The following SUCO variants were observed in gnomAD, a reference collection of about 807,000 sequenced individuals.
SUCO encodes SUN domain containing ossification factor.
In SUCO, 57 loss-of-function variants were observed where a neutral mutation model predicts 148.1. That is an observed-to-expected ratio of 0.38 (90% CI 0.31 to 0.48). The LOEUF (loss-of-function observed/expected upper bound fraction) is 0.48, where lower values mean the gene tolerates loss of function less well. Ranked by LOEUF, SUCO falls within the 20% of genes least tolerant of loss-of-function variation. SUCO has a pLI of 0.96. For missense variants in SUCO, 1,331 were observed against 1,468.2 expected (o/e 0.91, Z 1.53); for synonymous variants, 470 against 502.7 (o/e 0.93, Z 0.87).
chr1:172,556,436 C>T (rs1157218720), intron 4 of SUCO, among the ~76,000 whole-genome samples: 3 of 152,140 alleles, frequency 2.0e-5, no homozygotes, highest in African/African-American at 7.2e-5. Context: ...CTTTTTCAAA[C>T]TCGATAATAA....
chr1:172,532,696 C>T (rs373970364), upstream of SUCO: 82 of 1,613,890 alleles, frequency 5.1e-5, no homozygotes, highest in Non-Finnish European at 6.0e-5. Flanking sequence ...TCTAACAAAA[C>T]CATGGATTCT....
intron 6 of SUCO, among the ~76,000 whole-genome samples, chr1:172,568,098 T>C (rs1009480513): frequency 6.6e-6 from 1 of 152,228 alleles, no homozygotes; most frequent in African/African-American, 2.4e-5. Flanking sequence ...GAGAATCTAA[T>C]GCCTTATGAT....
chr1:172,589,886 A>G lies in SUCO; in HGVS notation c.2785A>G (p.Met929Val). Residue 929 changes from methionine (M) to valine (V), a missense_variant, in exon 18 of 24, where the codon ATG (methionine) becomes GTG (valine). This residue lies in a region of SUCO where 992 missense variants were observed against 1,093.5 expected (regional missense o/e 0.91). Coordinates refer to ENST00000263688, the MANE Select transcript of SUCO (RefSeq NM_014283.5). ...TCGTATTAAAGCCTTAGAAGTTAAC[A>G]TGTCTCTCAGTGGTCGCTATCTGGA... ...NNRIKALEVN[M>V]SLSGRYLEEL... 6.5e-7 allele frequency: 1 copy of G among 1,550,306 alleles called. No homozygotes were observed. Among genetic ancestry groups the G allele is most frequent in the Middle Eastern group, 1.7e-4 (1 of 5,722 alleles).
At position 172,610,338 on chromosome 1, in the gene SUCO, G is replaced by A; in HGVS notation, c.*79G>A. ...CAGTCTGTAGTATTTGAAGGGTTTG[G>A]GGGAGGGAGAAAATATTAATGGGAA... is the stretch of plus-strand genomic sequence containing the variant. On this transcript the variant is annotated 3_prime_UTR_variant, in exon 24 of 24. Transcript: ENST00000263688. 2.0e-6 allele frequency: 3 copies of A among 1,465,236 alleles called. No individual in the cohort carries two copies. Among genetic ancestry groups the A allele is most frequent in the Non-Finnish European group, 2.7e-6 (3 of 1,108,444 alleles). 90.8% of individuals were successfully genotyped at this position (1,465,236 alleles called of 1,614,324 possible). A position where few individuals can be genotyped will look rare whatever the true frequency, so the allele number is the denominator to read the frequency against.
At chr1:172,585,475 T>G (rs1462422826) in intron 16 of SUCO, among the ~76,000 whole-genome samples, 1 of 152,156 alleles carries the variant, frequency 6.6e-6, no homozygotes, top group Non-Finnish European at 1.5e-5. Context: ...ATGATAATAT[T>G]TTTGGCAAGA....
intron 23 of SUCO, chr1:172,609,490 G>GTTA (rs1658072507): frequency 3.3e-6 from 3 of 909,250 alleles, no homozygotes; most frequent in South Asian, 5.1e-5. Context: ...ACCTTTCAGG[G>GTTA]TTAATAGCTG....
chr1:172,559,820 C>T lies in SUCO; in HGVS notation c.732+2026C>T, dbSNP rs538103581. Among the ~76,000 whole-genome samples, 44 of 152,212 alleles carry T rather than the reference C, an allele frequency of 2.9e-4. No individual in the cohort carries two copies. In the Middle Eastern group the frequency reaches 0.014, roughly 47 times the overall value. ...TGTTGCTGTGGCAGTGGTAAACAGACATAGCACATTGGTGGGCTTGGCTTA... is the reference window on the plus strand; with the variant it reads ...TGTTGCTGTGGCAGTGGTAAACAGATATAGCACATTGGTGGGCTTGGCTTA... On this transcript the variant is annotated intron_variant, in intron 6 of 23. Coordinates refer to ENST00000263688, the MANE Select transcript of SUCO (RefSeq NM_014283.5).
At chr1:172,570,447 G>A (rs1365058756) in intron 8 of SUCO, 5 of 503,662 alleles carry the variant, frequency 9.9e-6, no homozygotes, top group Non-Finnish European at 1.8e-5. Context: ...AACAGGCATT[G>A]AATTTTAAAT....
rs182326449 is a variant in SUCO at position 172,540,228 on chromosome 1, C to A, written c.62+6731C>A. ...AGGTTCTAAGCCTGTGTTCTCTTAA[C>A]CGGTATGCTGTGCTGCCAGTTGGCT... On this transcript the variant is annotated intron_variant, in intron 1 of 23. Coordinates refer to ENST00000263688, the MANE Select transcript of SUCO (RefSeq NM_014283.5). Among the ~76,000 whole-genome samples, 26 of 152,262 alleles carry A rather than the reference C, an allele frequency of 1.7e-4. No individual in the cohort carries two copies. The East Asian group carries it at 3.9e-3, about 23-fold the overall frequency.
At chr1:172,568,195 A>G (rs959765040) in intron 6 of SUCO, 5 of 598,914 alleles carry the variant, frequency 8.3e-6, no homozygotes, top group Non-Finnish European at 1.0e-5. Flanking sequence ...CTGGTTTCAG[A>G]AAAGTTGTGG....
intron 9 of SUCO, among the ~76,000 whole-genome samples, chr1:172,572,557 C>G (rs1261890089): frequency 6.6e-6 from 1 of 151,926 alleles, no homozygotes; most frequent in Non-Finnish European, 1.5e-5. Flanking sequence ...GGGACACAAA[C>G]ACTGCGGAAG....
At chr1:172,576,954 T>G (rs1156941614) in intron 11 of SUCO, 2 of 683,164 alleles carry the variant, frequency 2.9e-6, no homozygotes, top group Non-Finnish European at 3.6e-6. Context: ...TAGCATACAT[T>G]CGAAAGGCCA....
At chr1:172,564,167 T>G (rs1654388820) in intron 6 of SUCO, among the ~76,000 whole-genome samples, 1 of 152,174 alleles carries the variant, frequency 6.6e-6, no homozygotes, top group Non-Finnish European at 1.5e-5. Flanking sequence ...ATGGAGAACC[T>G]CTACAAGAGC....
rs1329665805 is a variant in SUCO, at chr1:172,551,844, C to G, written c.177+218C>G. 6.6e-6 allele frequency: 3 copies of G among 455,624 alleles called. No individual in the cohort carries two copies. The South Asian group carries it at 7.3e-5, about 11-fold the overall frequency. The allele number at this position is 455,624 out of a possible 1,614,324, so 28.2% of individuals were successfully genotyped here. ...CTTGTATTTGGAATTTTGTAACATCCTTAGTCCTGTAGTATAGGGTAGTGC... is the reference window on the plus strand; with the variant it reads ...CTTGTATTTGGAATTTTGTAACATCGTTAGTCCTGTAGTATAGGGTAGTGC... On this transcript the variant is annotated intron_variant, in intron 2 of 23. Transcript: ENST00000263688.
At chr1:172,586,642 A>G (rs1202474576) in intron 17 of SUCO, among the ~76,000 whole-genome samples, 2 of 152,144 alleles carry the variant, frequency 1.3e-5, no homozygotes, top group Non-Finnish European at 1.5e-5. Context: ...TACACTCCCT[A>G]CAAAACTTTG....
At chr1:172,532,895 C>A (rs1651693844), upstream of SUCO, 1 of 1,447,732 alleles carries the variant, frequency 6.9e-7, no homozygotes, top group Non-Finnish European at 9.2e-7. Flanking sequence ...GCGGGCGGAG[C>A]GGCGAGAGCA....
chr1:172,541,389 A>G (rs1652446061), intron 1 of SUCO, among the ~76,000 whole-genome samples: 1 of 152,224 alleles, frequency 6.6e-6, no homozygotes, highest in Non-Finnish European at 1.5e-5. Flanking sequence ...ATTTTATGTA[A>G]GAGACTGGAG....
chr1:172,609,859 A>G lies in SUCO; in HGVS notation c.3365A>G (p.Lys1122Arg). The G allele has an allele frequency of 1.2e-6, 2 of 1,610,040 alleles. No homozygotes were observed. Among genetic ancestry groups the G allele is most frequent in the Non-Finnish European group, 1.7e-6 (2 of 1,178,924 alleles). Residue 1122 changes from lysine to arginine, a missense_variant, in exon 24 of 24, where the codon AAG (lysine) becomes AGG (arginine). Transcript: ENST00000263688. ...KYKIEKIETI[K>R]PEEPLHPIAN... ...AAAATTGAAAAAATTGAGACCATAA[A>G]GCCTGAAGAACCATTGCACCCCATA...
chr1:172,575,620 C>T lies in SUCO; in HGVS notation c.1260C>T (p.Val420=), dbSNP rs1426237317. 1.3e-6 allele frequency: 2 copies of T among 1,596,732 alleles called. No individual in the cohort carries two copies. The highest frequency in any genetic ancestry group is 1.3e-5 in the African/African-American group (1 of 74,570). The change falls in exon 11 of 24, where the codon GTC becomes GTT. Residue 420 remains valine, a synonymous_variant. Coordinates refer to ENST00000263688, the MANE Select transcript of SUCO (RefSeq NM_014283.5). ...ATGAACAGATGTATGCAAAATATGT[C>T]AAGGTAATGTTTACACATACAGGAC... ...PLDEQMYAKY[V]KMFIKYIKVE...
Sources: allele counts gnomAD v4.1 joint callset (sites outside exome capture counted in the v4.1 genomes callset), GRCh38; gene constraint gnomAD v4.1.1; regional missense constraint gnomAD v4.1.1; transcripts MANE v1.5; gene names NCBI Gene and HGNC (gene_info 2026-07-23, HGNC 2026-07-21).